The following CDH26 variants were observed in gnomAD, a reference collection of about 807,000 sequenced individuals.
CDH26 encodes the protein cadherin-like protein 26.
Under a neutral mutation model 90.3 loss-of-function variants are expected in CDH26, and 83 were observed. The observed-to-expected ratio is 0.92, with a 90% CI of 0.77 to 1.10. CDH26 has a LOEUF of 1.10. Among genes scored for constraint, CDH26 ranks in the 50% least tolerant of loss-of-function variants. The pLI is 0.00. For synonymous variants in CDH26, 397 were observed against 396.3 expected, an observed-to-expected ratio of 1.00 and a Z score of -0.02; for missense variants, 1,013 against 1,037.6, an observed-to-expected ratio of 0.98 and a Z score of 0.33.
intron 2 of CDH26, among the ~76,000 whole-genome samples, 185 bp downstream of exon 2, chr20:59,969,208 A>T (rs1213626915): frequency 6.6e-6 from 1 of 152,204 alleles, no homozygotes; most frequent in Admixed American, 6.5e-5. Context: ...TGATGCTTTT[A>T]TGTCTAATTA....
At chr20:59,996,498 A>C (rs1328358704) in intron 12 of CDH26, 133 bp from the exon 13 acceptor site, 1 of 1,612,610 alleles carries the variant, frequency 6.2e-7, no homozygotes, top group Non-Finnish European at 8.5e-7. Flanking sequence ...CTTTATAGCT[A>C]CACAGATGAC....
downstream of CDH26, among the ~76,000 whole-genome samples, chr20:60,015,413 G>T (rs2061896672): frequency 6.6e-6 from 1 of 151,828 alleles, no homozygotes; most frequent in African/African-American, 2.4e-5. Context: ...TATATTTTTT[G>T]GCCATTTTAT....
rs771193844 is a variant in CDH26 at position 59,987,624 on chromosome 20, T to C, written c.1009T>C (p.Leu337=). 6.2e-7 allele frequency: 1 copy of C among 1,612,202 alleles called. No individual in the cohort carries two copies. Among genetic ancestry groups the C allele is most frequent in the Non-Finnish European group, 8.5e-7 (1 of 1,179,122 alleles). ...TGACCCTGAGACCAACGAAGGGATA[T>C]TAAATGTTATCAAGGTAACACCATA... ...STDPETNEGI[L]NVIKPLDYET... is the part of the protein sequence containing the mutation. The change falls in exon 8 of 18, where the codon TTA becomes CTA. Residue 337 remains leucine, a synonymous_variant. Coordinates refer to ENST00000348616, the MANE Select transcript of CDH26 (RefSeq NM_177980.4).
intron 1 of CDH26, among the ~76,000 whole-genome samples, chr20:59,959,548 C>T (rs998149163): frequency 2.8e-4 from 42 of 151,566 alleles, no homozygotes; most frequent in Admixed American, 2.4e-3. Context: ...TACAGGTGCA[C>T]GCCACCATGC....
At chr20:59,967,863 T>C (rs1442538344) in intron 1 of CDH26, among the ~76,000 whole-genome samples, 40 of 116,462 alleles carry the variant, frequency 3.4e-4, no homozygotes, top group African/African-American at 1.9e-3. Context: ...CTTTCTTTCT[T>C]TCTTTCTTTC....
Position 60,023,960 on chromosome 20 carries a change from G to GGAGAGAGA in CDH26, c.948-7250_948-7243dup, listed in dbSNP as rs11086691. Among the ~76,000 whole-genome samples, 598 of 147,278 alleles carry GGAGAGAGA rather than the reference G, an allele frequency of 4.1e-3. 5 individuals carry two copies. The highest frequency in any genetic ancestry group is 0.014 in the African/African-American group (541 of 39,720). On this transcript the variant is annotated intron_variant, in intron 7 of 8. Transcript: ENST00000370991. ...GGTGGGTACCATTATGCTGACAGAG[G>GGAGAGAGA]GAGAGAGAGAGAGAGAGAGAGAGAG... is the stretch of plus-strand genomic sequence containing the variant.
At chr20:59,997,724 A>G (rs562013122) in intron 13 of CDH26, among the ~76,000 whole-genome samples, 16 of 152,278 alleles carry the variant, frequency 1.1e-4, no homozygotes, top group Non-Finnish European at 2.1e-4. Context: ...CGGTCACCCC[A>G]TCTTACACCT....
intron 17 of CDH26, among the ~76,000 whole-genome samples, chr20:60,010,077 T>C (rs1441947680): frequency 6.6e-6 from 1 of 151,898 alleles, no homozygotes; most frequent in African/African-American, 2.4e-5. Flanking sequence ...AAGCCTGACA[T>C]AGCAGTAGAC....
intron 1 of CDH26, among the ~76,000 whole-genome samples, chr20:59,967,868 TCTTTCTTTCTTCCTTCCTTCCTTC>T (rs1358763956): frequency 9.5e-6 from 1 of 105,044 alleles, no homozygotes; most frequent in African/African-American, 5.8e-5. Context: ...TTTCTTTCTT[TCTTTCTTTCTTCCTTCCTTCCTTC>T]CTTCCTTCCT....
At chr20:60,022,239 A>T (rs1331412781) in intron 7 of CDH26, among the ~76,000 whole-genome samples, 1 of 152,198 alleles carries the variant, frequency 6.6e-6, no homozygotes, top group Non-Finnish European at 1.5e-5. Flanking sequence ...CATGAATTAA[A>T]CTAATTCTTG....
At position 59,994,243 on chromosome 20, in the gene CDH26, A is replaced by G. The variant is rs748481244; in HGVS notation, c.1427-7A>G. 2.2e-5 allele frequency: 35 copies of G among 1,613,728 alleles called. No homozygotes were observed. The highest frequency in any genetic ancestry group is 2.8e-5 in the Non-Finnish European group (33 of 1,179,960). ...AAACAACTCCTGAAACTTCCTCCCC[A>G]TACAAGGCTTCCCACCGCAGACTGC... On this transcript the variant is annotated splice_region_variant and splice_polypyrimidine_tract_variant and intron_variant, in intron 10 of 17. Coordinates refer to ENST00000348616, the MANE Select transcript of CDH26 (RefSeq NM_177980.4).
At chr20:59,981,957 T>TA (rs1386138503) in intron 4 of CDH26, among the ~76,000 whole-genome samples, 1 of 152,152 alleles carries the variant, frequency 6.6e-6, no homozygotes, top group Non-Finnish European at 1.5e-5. Flanking sequence ...TATAGGACTA[T>TA]ACAGGTTTTC....
chr20:60,002,750 G>A, intron 15 of CDH26, 63 bp from the exon 16 acceptor site: 1 of 1,305,574 alleles, frequency 7.7e-7, no homozygotes, highest in Non-Finnish European at 1.1e-6. Context: ...AGAATTTCTA[G>A]TTATGTATTT....
chr20:60,024,010 CCCATAAGGAAAAA>C (rs1455286038), intron 7 of CDH26, among the ~76,000 whole-genome samples: 1 of 151,620 alleles, frequency 6.6e-6, no homozygotes, highest in East Asian at 1.9e-4. Flanking sequence ...AGCATGGAGG[CCCATAAGGAAAAA>C]CCAGAAGTTT....
In CDH26 at chr20:60,012,511, C is replaced by T. The variant is rs777328661; in HGVS notation, c.2296-16C>T. 4.4e-6 allele frequency: 7 copies of T among 1,607,600 alleles called. No individual in the cohort carries two copies. In the South Asian group the frequency reaches 6.6e-5, roughly 15 times the overall value. On this transcript the variant is annotated splice_polypyrimidine_tract_variant and intron_variant, in intron 17 of 17. Coordinates refer to ENST00000348616, the MANE Select transcript of CDH26 (RefSeq NM_177980.4). Reference sequence around the variant, plus strand: ...GCACATGGCATTTACCTTCTCTTTCCCCCACTTTTCCCCAGAAACTCCATG... The same window carrying T: ...GCACATGGCATTTACCTTCTCTTTCTCCCACTTTTCCCCAGAAACTCCATG...
chr20:59,976,574 G>A (rs1043966127), intron 4 of CDH26, among the ~76,000 whole-genome samples: 1 of 152,208 alleles, frequency 6.6e-6, no homozygotes, highest in Admixed American at 6.5e-5. Flanking sequence ...AGAGTTGCCA[G>A]CACAGTCATA....
intron 7 of CDH26, among the ~76,000 whole-genome samples, chr20:59,986,418 A>G (rs1456781709): frequency 6.6e-6 from 1 of 152,168 alleles, no homozygotes; most frequent in Non-Finnish European, 1.5e-5. Flanking sequence ...TCTATTTCCA[A>G]TATTTTATTT....
rs2061213860 is a variant in CDH26, at chr20:59,969,023, G to A, written c.126G>A (p.Lys42=). 2 of 1,584,820 alleles carry A rather than the reference G, an allele frequency of 1.3e-6. No individual in the cohort carries two copies. Among genetic ancestry groups the A allele is most frequent in the Non-Finnish European group, 1.7e-6 (2 of 1,154,572 alleles). Reference sequence around the variant, plus strand: ...CAGATGATCTTACTAAGCAAACAAAGGTGAGGTTTGGAAGTCAGTTTCTTA... The same window carrying A: ...CAGATGATCTTACTAAGCAAACAAAAGTGAGGTTTGGAAGTCAGTTTCTTA... ...QETDDLTKQT[K]EKIYQPLRRS... Residue 42 remains lysine (K), a splice_region_variant and synonymous_variant, in exon 2 of 18, where the codon AAG becomes AAA. Transcript: ENST00000348616.
At chr20:59,965,724 C>G (rs541773892) in intron 1 of CDH26, among the ~76,000 whole-genome samples, 39 of 152,258 alleles carry the variant, frequency 2.6e-4, no homozygotes, top group African/African-American at 9.4e-4. Flanking sequence ...GGATATTTTT[C>G]TTTGATATTA....
Sources: allele counts gnomAD v4.1 joint callset (sites outside exome capture counted in the v4.1 genomes callset), GRCh38; gene constraint gnomAD v4.1.1; transcripts MANE v1.5; gene names NCBI Gene and HGNC (gene_info 2026-07-23, HGNC 2026-07-21).